PRR16: variants seen among roughly 807,000 people sequenced by gnomAD.
PRR16 encodes the protein protein Largen.
PRR16 carries 6 observed loss-of-function variants against 18.2 expected under a neutral mutation model. The ratio of observed to expected loss-of-function variants is 0.33; its 90% CI spans 0.18 to 0.65. PRR16 has a LOEUF of 0.65. Among genes scored for constraint, PRR16 ranks in the 30% least tolerant of loss-of-function variants. PRR16 has a pLI of 0.74. For synonymous variants in PRR16, 151 were observed against 147.8 expected (o/e 1.02, Z -0.16); for missense variants, 412 against 376.6 (o/e 1.09, Z -0.78).
intron 1 of PRR16, among the ~76,000 whole-genome samples, chr5:120,621,375 C>T (rs1272095366): frequency 1.3e-5 from 2 of 152,012 alleles, no homozygotes; most frequent in African/African-American, 4.8e-5. Flanking sequence ...TGTGATCATT[C>T]CCCTGTGATC....
In PRR16 at chr5:120,669,848, A is replaced by C. The variant is rs146089455; in HGVS notation, c.160-16106A>C. 6.1e-3 allele frequency among the ~76,000 whole-genome samples: 934 copies of C among 152,196 alleles called. 18 individuals are homozygous for C. Among genetic ancestry groups the C allele is most frequent in the African/African-American group, 0.021 (893 of 41,568 alleles). On this transcript the variant is annotated intron_variant, in intron 1 of 1. Transcript: ENST00000407149. The stretch of plus-strand genomic sequence containing the variant: ...TAATAATTCATAGAGAATTTAATGA[A>C]GTACAATAGAAATATACCGTTTTGA...
intron 1 of PRR16, among the ~76,000 whole-genome samples, chr5:120,680,435 C>A (rs1438398374): frequency 6.6e-6 from 1 of 152,084 alleles, no homozygotes; most frequent in Non-Finnish European, 1.5e-5. Context: ...CTAACACAAT[C>A]ACTTGTTAAT....
chr5:120,581,785 T>C (rs1159952020), intron 1 of PRR16, among the ~76,000 whole-genome samples: 2 of 152,186 alleles, frequency 1.3e-5, no homozygotes, highest in African/African-American at 2.4e-5. Flanking sequence ...CCAGGAGTCA[T>C]TCAAGAGCAT....
intron 1 of PRR16, among the ~76,000 whole-genome samples, chr5:120,643,577 T>G (rs1216354861): frequency 1.3e-5 from 2 of 152,176 alleles, no homozygotes; most frequent in Non-Finnish European, 2.9e-5. Flanking sequence ...TAAAACCTGA[T>G]GAATATTACA....
intron 1 of PRR16, among the ~76,000 whole-genome samples, chr5:120,477,142 T>A (rs950944429): frequency 4.6e-5 from 7 of 152,336 alleles, no homozygotes; most frequent in African/African-American, 1.7e-4. Context: ...AAAGGTACTC[T>A]TCTTGGTGTT....
intron 1 of PRR16, among the ~76,000 whole-genome samples, chr5:120,569,518 A>C (rs1752838993): frequency 6.6e-6 from 1 of 152,146 alleles, no homozygotes; most frequent in Non-Finnish European, 1.5e-5. Context: ...ACTGTCTTGG[A>C]AGAGATAATG....
At chr5:120,613,539 A>G (rs1240401680) in intron 1 of PRR16, among the ~76,000 whole-genome samples, 2 of 152,110 alleles carry the variant, frequency 1.3e-5, no homozygotes, top group Non-Finnish European at 1.5e-5. Flanking sequence ...GAAAAAATAG[A>G]ACATAATAAA....
chr5:120,574,472 C>T (rs1753010933), intron 1 of PRR16, among the ~76,000 whole-genome samples: 1 of 151,910 alleles, frequency 6.6e-6, no homozygotes, highest in Non-Finnish European at 1.5e-5. Context: ...GGCATGGTGG[C>T]ATGCACCTGT....
At chr5:120,618,385 T>C in intron 1 of PRR16, 1 of 798,884 alleles carries the variant, frequency 1.3e-6, no homozygotes, top group Non-Finnish European at 1.5e-6. Flanking sequence ...TTTAAGAATG[T>C]AATAAGTAAA....
the PRR16 span, among the ~76,000 whole-genome samples, chr5:120,698,461 G>A: frequency 2.0e-5 from 3 of 149,798 alleles, no homozygotes; most frequent in Non-Finnish European, 1.5e-5. Flanking sequence ...TTAGAGTGGC[G>A]GTTTGGGGAT....
chr5:120,552,622 A>T (rs1008890698), intron 1 of PRR16, among the ~76,000 whole-genome samples: 1 of 151,980 alleles, frequency 6.6e-6, no homozygotes, highest in Non-Finnish European at 1.5e-5. Context: ...CATTCTTGTC[A>T]ATCAAAAACT....
At chr5:120,695,590 G>T in the PRR16 span, among the ~76,000 whole-genome samples, 1 of 152,056 alleles carries the variant, frequency 6.6e-6, no homozygotes, top group African/African-American at 2.4e-5. Flanking sequence ...ATACCCAATG[G>T]AGAAACTTTC....
intron 1 of PRR16, among the ~76,000 whole-genome samples, chr5:120,645,528 A>C (rs1207036287): frequency 6.6e-6 from 1 of 152,096 alleles, no homozygotes; most frequent in Non-Finnish European, 1.5e-5. Context: ...AATAATGAAG[A>C]TGAAAAATAC....
At chr5:120,559,071 AT>A (rs1752500103) in intron 1 of PRR16, among the ~76,000 whole-genome samples, 1 of 151,700 alleles carries the variant, frequency 6.6e-6, no homozygotes, top group African/African-American at 2.4e-5. Context: ...GTTTGCAAAT[AT>A]TTTCTCCCCT....
chr5:120,730,379 T>C, the PRR16 span, among the ~76,000 whole-genome samples: 1 of 152,154 alleles, frequency 6.6e-6, no homozygotes. Context: ...TTGCACAACT[T>C]GTGGAATATC....
At chr5:120,563,692 G>T (rs1160298921) in intron 1 of PRR16, among the ~76,000 whole-genome samples, 1 of 152,202 alleles carries the variant, frequency 6.6e-6, no homozygotes, top group Non-Finnish European at 1.5e-5. Context: ...TAGGCTTGGA[G>T]TTGGAGATCC....
the PRR16 span, among the ~76,000 whole-genome samples, chr5:120,701,727 T>G: frequency 2.6e-5 from 4 of 152,018 alleles, no homozygotes; most frequent in African/African-American, 9.7e-5. Context: ...GGGTTGGTAC[T>G]GAGGGGATAG....
chr5:120,781,408 C>T, the PRR16 span: 3 of 152,022 alleles, frequency 2.0e-5, no homozygotes, highest in East Asian at 1.9e-4. Flanking sequence ...CTTTTGGAGA[C>T]GCATGAGTGA....
At chr5:120,704,854 G>A in the PRR16 span, among the ~76,000 whole-genome samples, 6 of 152,120 alleles carry the variant, frequency 3.9e-5, no homozygotes, top group African/African-American at 9.6e-5. Flanking sequence ...GCCTATTTAC[G>A]CATTTTTTCA....
Sources: gnomAD v4.1 joint callset for allele counts (sites outside exome capture counted in the v4.1 genomes callset) on GRCh38, gnomAD v4.1.1 for gene constraint, MANE v1.5 for transcripts, NCBI Gene and HGNC (gene_info 2026-07-23, HGNC 2026-07-21) for gene names.